PKIA: variants seen among roughly 807,000 people sequenced by gnomAD.
PKIA encodes PKI-alpha.
A neutral mutation model predicts 7.6 loss-of-function variants in PKIA; 4 were observed. The ratio of observed to expected loss-of-function variants is 0.52; its 90% CI spans 0.26 to 1.20. The LOEUF is 1.20. PKIA is among the 50% of genes most tolerant of loss of function. PKIA has a pLI of 0.13. For synonymous variants in PKIA, 21 were observed against 30.7 expected (o/e 0.68, Z 1.04); for missense variants, 73 against 86.2 (o/e 0.85, Z 0.61).
At chr8:78,594,870 G>A (rs1808193185) in intron 2 of PKIA, among the ~76,000 whole-genome samples, 1 of 152,180 alleles carries the variant, frequency 6.6e-6, no homozygotes, top group Admixed American at 6.6e-5. Flanking sequence ...TGTAACAGAT[G>A]TCCCGTATCT....
chr8:78,525,101 A>C (rs1809516370), intron 1 of PKIA, among the ~76,000 whole-genome samples: 1 of 151,602 alleles, frequency 6.6e-6, no homozygotes, highest in Non-Finnish European at 1.5e-5. Context: ...ATTAGAGGTG[A>C]ATCATATTTT....
intron 2 of PKIA, among the ~76,000 whole-genome samples, chr8:78,587,645 T>A (rs1807977704): frequency 6.6e-6 from 1 of 152,152 alleles, no homozygotes; most frequent in South Asian, 2.1e-4. Context: ...GCTACTTTCG[T>A]CATATATATT....
intron 2 of PKIA, among the ~76,000 whole-genome samples, chr8:78,596,638 G>C (rs2130275344): frequency 6.6e-6 from 1 of 152,258 alleles, no homozygotes; most frequent in South Asian, 2.1e-4. Flanking sequence ...TCTGTTCATA[G>C]TTTCTTTTGC....
chr8:78,588,404 C>T (rs1202074197), intron 2 of PKIA, among the ~76,000 whole-genome samples: 6 of 152,142 alleles, frequency 3.9e-5, no homozygotes, highest in Non-Finnish European at 7.4e-5. Flanking sequence ...CACTTCGACC[C>T]AGGAGGCGGA....
intron 1 of PKIA, among the ~76,000 whole-genome samples, chr8:78,526,872 A>C (rs1176867344): frequency 1.3e-5 from 2 of 152,004 alleles, no homozygotes; most frequent in Non-Finnish European, 2.9e-5. Flanking sequence ...CATTAGTATG[A>C]TGACAATTTT....
chr8:78,588,337 A>C (rs1467455458), intron 2 of PKIA, among the ~76,000 whole-genome samples: 1 of 152,054 alleles, frequency 6.6e-6, no homozygotes, highest in African/African-American at 2.4e-5. Context: ...AAAATTAGCT[A>C]GGCATGGTGG....
At chr8:78,549,971 T>C (rs1159622885) in intron 1 of PKIA, among the ~76,000 whole-genome samples, 1 of 152,110 alleles carries the variant, frequency 6.6e-6, no homozygotes, top group Non-Finnish European at 1.5e-5. Context: ...TAGTCAGCAA[T>C]TACAATGACA....
intron 2 of PKIA, among the ~76,000 whole-genome samples, chr8:78,581,131 T>A (rs1230234662): frequency 6.6e-6 from 1 of 152,084 alleles, no homozygotes; most frequent in African/African-American, 2.4e-5. Context: ...CTGATTCAGA[T>A]CAGAGAAAGC....
rs902297177 is a variant in PKIA at position 78,572,832 on chromosome 8, C to T, written c.-135C>T. ...TCAGTTTCCTGACTTTCTGAGAAGC[C>T]CTGGTTTCCCCAAAGAAGTGATTTC... is the stretch of plus-strand genomic sequence containing the variant. On this transcript the variant is annotated 5_prime_UTR_variant, in exon 2 of 4. Transcript: ENST00000396418. The T allele has an allele frequency of 6.6e-6, 1 of 151,812 alleles. No individual in the cohort carries two copies. The highest frequency in any genetic ancestry group is 1.5e-5 in the Non-Finnish European group (1 of 67,982). 9.4% of individuals were successfully genotyped at this position (151,812 alleles called of 1,614,324 possible).
intron 1 of PKIA, among the ~76,000 whole-genome samples, chr8:78,569,296 G>A (rs1807494157): frequency 6.6e-6 from 1 of 152,148 alleles, no homozygotes; most frequent in Non-Finnish European, 1.5e-5. Context: ...CTGTTAGAGT[G>A]CTGAGCCTCC....
chr8:78,547,634 G>T (rs1287357554), intron 1 of PKIA, among the ~76,000 whole-genome samples: 2 of 152,148 alleles, frequency 1.3e-5, no homozygotes, highest in African/African-American at 2.4e-5. Flanking sequence ...AAAGACATAA[G>T]ATGAGTAGTT....
At chr8:78,522,542 T>C (rs1809436010) in intron 1 of PKIA, among the ~76,000 whole-genome samples, 1 of 152,064 alleles carries the variant, frequency 6.6e-6, no homozygotes, top group Middle Eastern at 3.4e-3. Flanking sequence ...ACAGATACTA[T>C]AAGGAAATCA....
rs749848547 is a variant in PKIA, at chr8:78,516,341, G to A, written c.-284G>A. On this transcript the variant is annotated 5_prime_UTR_variant, in exon 1 of 4. Transcript: ENST00000396418. The stretch of plus-strand genomic sequence containing the variant: ...TTCATGCAGCCGGAGCTCCGCGGCG[G>A]GAGCGGAGGCTGCTGCTGGCAGGTG... 40 of 152,260 alleles carry A rather than the reference G, an allele frequency of 2.6e-4. 1 individual carries two copies. Among genetic ancestry groups the A allele is most frequent in the Admixed American group, 1.8e-3 (28 of 15,278 alleles). The allele number at this position is 152,260 out of a possible 1,614,324, so 9.4% of individuals were successfully genotyped here. A position where few individuals can be genotyped will look rare whatever the true frequency, so the allele number is the denominator to read the frequency against.
rs1808418603 is a variant in PKIA at position 78,604,097 on chromosome 8, A to T, written c.*2276A>T. On this transcript the variant is annotated 3_prime_UTR_variant, in exon 4 of 4. Coordinates refer to ENST00000396418, the MANE Select transcript of PKIA (RefSeq NM_006823.4). ...CATGGCATCTTTCAAATTTTATTTT[A>T]GTTTCCTTTATTTGCCAAGAATACA... 6.6e-6 allele frequency: 1 copy of T among 151,970 alleles called. No homozygotes were observed. Among genetic ancestry groups the T allele is most frequent in the African/African-American group, 2.4e-5 (1 of 41,402 alleles). The allele number at this position is 151,970 out of a possible 1,614,324, so 9.4% of individuals were successfully genotyped here. A position where few individuals can be genotyped will look rare whatever the true frequency, so the allele number is the denominator to read the frequency against.
chr8:78,598,281 C>CAT lies in PKIA; in HGVS notation c.-27-73_-27-72dup, dbSNP rs1357334474. ...GTAAACAGGACAATTGTTTCACATT[C>CAT]ATATACTAAGTCGGTAGTTAAATGT... On this transcript the variant is annotated intron_variant, in intron 2 of 3. Coordinates refer to ENST00000396418, the MANE Select transcript of PKIA (RefSeq NM_006823.4). 90 of 835,052 alleles carry CAT rather than the reference C, an allele frequency of 1.1e-4. No homozygotes were observed. The East Asian group carries it at 2.2e-3, about 21-fold the overall frequency. The allele number at this position is 835,052 out of a possible 1,614,324, so 51.7% of individuals were successfully genotyped here.
chr8:78,602,889 T>C lies in PKIA; in HGVS notation c.*1068T>C, dbSNP rs2130302119. 1 of 152,346 alleles carries C rather than the reference T, an allele frequency of 6.6e-6. No homozygotes were observed. The highest frequency in any genetic ancestry group is 1.9e-4 in the East Asian group (1 of 5,160). 9.4% of individuals were successfully genotyped at this position (152,346 alleles called of 1,614,324 possible). A position where few individuals can be genotyped will look rare whatever the true frequency, so the allele number is the denominator to read the frequency against. On this transcript the variant is annotated 3_prime_UTR_variant, in exon 4 of 4. Coordinates refer to ENST00000396418, the MANE Select transcript of PKIA (RefSeq NM_006823.4). The stretch of plus-strand genomic sequence containing the variant: ...AAGCTGAATCAGGTGGAGAAAGTAA[T>C]CTCCTTGCAATCATGTGGACACCAA...
intron 2 of PKIA, among the ~76,000 whole-genome samples, chr8:78,592,730 C>A (rs552778799): frequency 6.6e-6 from 1 of 152,312 alleles, no homozygotes; most frequent in South Asian, 2.1e-4. Flanking sequence ...AAAATTCCCA[C>A]ATAGATAAGT....
Position 78,601,815 on chromosome 8 carries a change from A to T in PKIA, c.225A>T (p.Glu75Asp). The part of the protein sequence containing the change: ...GEAQGEAAKS[E>D]S ...CCCAGGGAGAAGCAGCAAAATCTGA[A>T]AGCTAACACCCCACTTTGACCCTCG... The change falls in exon 4 of 4, where the codon GAA (glutamate) becomes GAT (aspartate). Residue 75 changes from glutamate to aspartate, a missense_variant. Transcript: ENST00000396418. The T allele has an allele frequency of 1.9e-6, 3 of 1,610,744 alleles. No homozygotes were observed. The highest frequency in any genetic ancestry group is 2.5e-6 in the Non-Finnish European group (3 of 1,177,510).
At chr8:78,559,515 T>A (rs901721947) in intron 1 of PKIA, among the ~76,000 whole-genome samples, 2 of 152,194 alleles carry the variant, frequency 1.3e-5, no homozygotes, top group Non-Finnish European at 2.9e-5. Context: ...TTATGCAGTT[T>A]AAAAATAATA....
Sources: allele counts gnomAD v4.1 joint callset (sites outside exome capture counted in the v4.1 genomes callset), GRCh38; gene constraint gnomAD v4.1.1; transcripts MANE v1.5; gene names NCBI Gene and HGNC (gene_info 2026-07-23, HGNC 2026-07-21).